The following NCOR2 variants were observed in gnomAD, a reference collection of about 807,000 sequenced individuals.
NCOR2 encodes nuclear receptor corepressor 2, also known as CTG repeat protein 26.
NCOR2 carries 81 observed loss-of-function variants against 262.9 expected under a neutral mutation model. That is an observed-to-expected ratio of 0.31 (90% CI 0.26 to 0.37). The LOEUF is 0.37. Among genes scored for constraint, NCOR2 ranks in the 10% least tolerant of loss-of-function variants. The probability of loss-of-function intolerance (pLI) is 1.00; values close to 1 mark genes in which losing one functional copy is unlikely to be tolerated. For synonymous variants in NCOR2, 1,659 were observed against 1,559.3 expected, an observed-to-expected ratio of 1.06 and a Z score of -1.51; for missense variants, 3,385 against 3,621.4, an observed-to-expected ratio of 0.93 and a Z score of 1.68.
At chr12:124,384,429 C>T (rs1000644924) in intron 17 of NCOR2, among the ~76,000 whole-genome samples, 4 of 152,182 alleles carry the variant, frequency 2.6e-5, no homozygotes, top group Non-Finnish European at 5.9e-5. Context: ...GGAGGGCACG[C>T]GGGGCACTGC....
At chr12:124,565,226 A>G (rs1011097717) in intron 1 of NCOR2, among the ~76,000 whole-genome samples, 1 of 152,124 alleles carries the variant, frequency 6.6e-6, no homozygotes, top group Non-Finnish European at 1.5e-5. Flanking sequence ...GGAAGAGGCC[A>G]GGGCTGGGGC....
intron 43 of NCOR2, 117 bp downstream of exon 45, chr12:124,332,202 C>T (rs2035258075): frequency 2.3e-6 from 3 of 1,311,708 alleles, no homozygotes. Flanking sequence ...TCAGCAGGGC[C>T]ACTTAGCTTT....
chr12:124,480,373 G>C (rs2047385132), intron 3 of NCOR2, among the ~76,000 whole-genome samples: 1 of 152,222 alleles, frequency 6.6e-6, no homozygotes, highest in South Asian at 2.1e-4. Context: ...TGGGCAGTCA[G>C]ACACAGCTGG....
chr12:124,431,409 C>T (rs1345589349), intron 8 of NCOR2, among the ~76,000 whole-genome samples: 1 of 142,510 alleles, frequency 7.0e-6, no homozygotes, highest in Non-Finnish European at 1.5e-5. Context: ...GATACACAGG[C>T]AGACAGACAG....
At chr12:124,473,178 C>G in intron 3 of NCOR2, 47 bp from the exon 6 acceptor site, 1 of 1,602,188 alleles carries the variant, frequency 6.2e-7, no homozygotes, top group Non-Finnish European at 8.5e-7. Flanking sequence ...GGGGACACCC[C>G]CCAGTCTGTA....
chr12:124,532,660 G>C (rs1351740592), intron 1 of NCOR2, among the ~76,000 whole-genome samples: 1 of 152,230 alleles, frequency 6.6e-6, no homozygotes, highest in Non-Finnish European at 1.5e-5. Flanking sequence ...GGCATGACAA[G>C]CAGATAACTC....
In NCOR2 at chr12:124,457,325, C is replaced by T. The variant is rs1415077474; in HGVS notation, c.706-163G>A. 6.6e-6 allele frequency among the ~76,000 whole-genome samples: 1 copy of T among 151,632 alleles called. No homozygotes were observed. Among genetic ancestry groups the T allele is most frequent in the Non-Finnish European group, 1.5e-5 (1 of 67,858 alleles). Reference sequence around the variant, plus strand: ...CGGGGCCCCCTGCAGGCCCTCCCCACGCTGGAAAAAAACACAGAGGAGCCT... The same window carrying T: ...CGGGGCCCCCTGCAGGCCCTCCCCATGCTGGAAAAAAACACAGAGGAGCCT... On this transcript the variant is annotated intron_variant, in intron 5 of 46. Transcript: ENST00000405201. This position sits in a 1 kb window ranked among gnomAD's most constrained non-coding sequence, Gnocchi z 4.0.
intron 4 of NCOR2, among the ~76,000 whole-genome samples, chr12:124,469,707 T>C (rs2046728091): frequency 6.6e-6 from 1 of 152,162 alleles, no homozygotes; most frequent in Admixed American, 6.5e-5. Flanking sequence ...TATGCCTACC[T>C]CATAAGGTTG....
chr12:124,547,280 A>T (rs2051572462), intron 1 of NCOR2, among the ~76,000 whole-genome samples: 1 of 152,240 alleles, frequency 6.6e-6, no homozygotes, highest in African/African-American at 2.4e-5. Flanking sequence ...GGCATGAGCC[A>T]CCACACCTGG....
chr12:124,466,107 G>A (rs2046403400), intron 5 of NCOR2, 66 bp downstream of exon 7: 3 of 1,430,226 alleles, frequency 2.1e-6, no homozygotes, highest in East Asian at 2.4e-5. Flanking sequence ...CCTGATTCAT[G>A]GTGCCCCCTG....
intron 6 of NCOR2, among the ~76,000 whole-genome samples, chr12:124,450,561 A>G (rs1277111189): frequency 2.0e-5 from 3 of 152,224 alleles, no homozygotes; most frequent in Non-Finnish European, 2.9e-5. Context: ...GTCCACCACC[A>G]GAAGAGCAGC....
intron 8 of NCOR2, among the ~76,000 whole-genome samples, chr12:124,434,749 G>A (rs369697808): frequency 6.6e-6 from 1 of 152,302 alleles, no homozygotes; most frequent in East Asian, 1.9e-4. Context: ...TTCCTCGCAG[G>A]AGACAGAGGG....
intron 3 of NCOR2, among the ~76,000 whole-genome samples, chr12:124,478,333 C>T (rs2047219680): frequency 6.6e-6 from 1 of 152,146 alleles, no homozygotes; most frequent in Non-Finnish European, 1.5e-5. Flanking sequence ...GCTGTCTGTC[C>T]CCCTTAGGGA....
rs751481644 is a variant in NCOR2, at chr12:124,545,195, G to A, written c.-164-9584C>T. Among the ~76,000 whole-genome samples the A allele has an allele frequency of 2.0e-3, 305 of 152,200 alleles. 2 individuals are homozygous for A. Among genetic ancestry groups the A allele is most frequent in the Non-Finnish European group, 3.3e-3 (225 of 67,998 alleles). ...AGCACCTCGAACACCCAGAAGCGGG[G>A]CCCAGGGGGAGGGAGCAGAGTCTCG... On this transcript the variant is annotated intron_variant, in intron 1 of 32. Coordinates refer to the NCOR2 transcript ENST00000458234.
chr12:124,340,284 G>A lies in NCOR2; in HGVS notation c.5488+10C>T, dbSNP rs763738631. Reference sequence around the variant, plus strand: ...TCCCGGAGCGGGGGGTGGGGGCTCTGATGCCCTACCAGGTCTCCAGATGGG... The same window carrying A: ...TCCCGGAGCGGGGGGTGGGGGCTCTAATGCCCTACCAGGTCTCCAGATGGG... On this transcript the variant is annotated intron_variant, in intron 36 of 46. Coordinates refer to ENST00000405201, the Ensembl canonical transcript of NCOR2. The A allele has an allele frequency of 1.7e-5, 28 of 1,609,702 alleles. No individual in the cohort carries two copies. In the East Asian group the frequency reaches 6.0e-4, roughly 35 times the overall value.
chr12:124,503,074 G>A lies in NCOR2; in HGVS notation c.-117-7706C>T, dbSNP rs1242991. 0.6 allele frequency among the ~76,000 whole-genome samples: 90,689 copies of A among 152,118 alleles called. 28,790 individuals are homozygous for A. Among genetic ancestry groups the A allele is most frequent in the South Asian group, 0.73 (3,501 of 4,826 alleles). The stretch of plus-strand genomic sequence containing the variant: ...GGTCAAATACTAAGAGCTCAATCCC[G>A]GGTGCCACCCACAAGGGTGCGGTCT... On this transcript the variant is annotated intron_variant, in intron 1 of 46. Coordinates refer to the NCOR2 transcript ENST00000404621. The surrounding 1 kb of genome is among the most constrained non-coding windows in gnomAD (Gnocchi z 4.3).
chr12:124,344,664 G>C (rs1309182161), exon 32 of NCOR2: 2 of 1,495,290 alleles, frequency 1.3e-6, no homozygotes, highest in Non-Finnish European at 1.8e-6. Context: ...GGCCGGCAAA[G>C]GGTGCCCCGT....
At chr12:124,437,983 G>A in exon 8 of NCOR2, 1 of 1,610,872 alleles carries the variant, frequency 6.2e-7, no homozygotes, top group Non-Finnish European at 8.5e-7. Flanking sequence ...AGCTTCTTCC[G>A]CATCGCCTGG....
rs1022382875 is a variant in NCOR2 at position 124,457,528 on chromosome 12, C to T, written c.706-366G>A. 6.6e-6 allele frequency among the ~76,000 whole-genome samples: 1 copy of T among 152,148 alleles called. No individual in the cohort carries two copies. Among genetic ancestry groups the T allele is most frequent in the Non-Finnish European group, 1.5e-5 (1 of 68,028 alleles). On this transcript the variant is annotated intron_variant, in intron 5 of 46. Coordinates refer to ENST00000405201, the Ensembl canonical transcript of NCOR2. This position sits in a 1 kb window ranked among gnomAD's most constrained non-coding sequence, Gnocchi z 4.0. ...CTGCCAGCCCTGAGATGCCTTCCCT[C>T]ACCCTGGAAGCTGGTTGGGTTGTCT... is the stretch of plus-strand genomic sequence containing the variant.
Sources: gnomAD v4.1 joint callset for allele counts (sites outside exome capture counted in the v4.1 genomes callset) on GRCh38, gnomAD v4.1.1 for gene constraint, Gnocchi (gnomAD v3.1) non-coding constraint, MANE v1.5 for transcripts, NCBI Gene and HGNC (gene_info 2026-07-23, HGNC 2026-07-21) for gene names.